FHOD1: variants seen among roughly 807,000 people sequenced by gnomAD.
The protein encoded by FHOD1 is formin homology 2 domain containing 1, also known as FH1/FH2 domain-containing protein 1.
FHOD1 carries 89 observed loss-of-function variants against 111.6 expected under a neutral mutation model. That is an observed-to-expected ratio of 0.80 (90% CI 0.67 to 0.95). The LOEUF is 0.95. FHOD1 is among the 40% of genes least tolerant of loss of function. The pLI is 0.00. For synonymous variants in FHOD1, 618 were observed against 639.0 expected (o/e 0.97, Z 0.50); for missense variants, 1,446 against 1,554.2 (o/e 0.93, Z 1.17).
Position 67,238,180 on chromosome 16 carries a change from A to T in FHOD1, c.547+22T>A. 1 of 1,614,064 alleles carries T rather than the reference A, an allele frequency of 6.2e-7. No homozygotes were observed. The highest frequency in any genetic ancestry group is 1.6e-4 in the Middle Eastern group (1 of 6,062). On this transcript the variant is annotated intron_variant, in intron 5 of 21. Transcript: ENST00000258201. The surrounding 1 kb of genome is among the most constrained non-coding windows in gnomAD (Gnocchi z 4.2). Reference sequence around the variant, plus strand: ...AGCGAGGGTCGCTGGAGCAGAGGTCATGGGAGAGGGGCGGGGCTGACCTCT... The same window carrying T: ...AGCGAGGGTCGCTGGAGCAGAGGTCTTGGGAGAGGGGCGGGGCTGACCTCT...
Position 67,237,999 on chromosome 16 carries a change from G to A in FHOD1, c.642+35C>T. On this transcript the variant is annotated intron_variant, in intron 6 of 21. Transcript: ENST00000258201. The surrounding 1 kb of genome is among the most constrained non-coding windows in gnomAD (Gnocchi z 5.6). ...ACTGAGGCCCAGAGAGAAGCAACAG[G>A]CAAAGGGTATAAGGCTGAGTGGAGA... 6.2e-7 allele frequency: 1 copy of A among 1,600,220 alleles called. No individual in the cohort carries two copies. The highest frequency in any genetic ancestry group is 1.1e-5 in the South Asian group (1 of 90,658).
At chr16:67,245,866 C>A (rs1261958309) in intron 1 of FHOD1, among the ~76,000 whole-genome samples, 1 of 152,146 alleles carries the variant, frequency 6.6e-6, no homozygotes. Flanking sequence ...ACTTTAGGAG[C>A]CTGGAAGCGG....
chr16:67,230,132 G>A lies in FHOD1; in HGVS notation c.3148C>T (p.His1050Tyr). The change falls in exon 20 of 22, where the codon CAT (histidine) becomes TAT (tyrosine). Residue 1050 changes from histidine (H) to tyrosine (Y), a missense_variant. His to Tyr is a moderately conservative substitution (Grantham distance 83). Transcript: ENST00000258201. ...GTCAGCAGACTCTTCATACTAGCAT[G>A]ACTGTCAGCATCTCCCCGGCCTGGC... ...SGPGRGDADS[H>Y]ASMKSLLTSR... is the part of the protein sequence containing the mutation. 1 of 1,614,198 alleles carries A rather than the reference G, an allele frequency of 6.2e-7. No homozygotes were observed. Among genetic ancestry groups the A allele is most frequent in the South Asian group, 1.1e-5 (1 of 91,080 alleles).
rs758576224 is a variant in FHOD1 at position 67,247,188 on chromosome 16, AC to A, written c.201+21del. 74 of 1,520,642 alleles carry A rather than the reference AC, an allele frequency of 4.9e-5. No homozygotes were observed. The African/African-American group carries it at 8.5e-4, about 17-fold the overall frequency. 94.2% of individuals were successfully genotyped at this position (1,520,642 alleles called of 1,614,324 possible). Reference sequence around the variant, plus strand: ...CCACCCTGAACCCCCGATCGCCCCAACCTTTCTCCGGCCTCCCTCACCTTGA... The same window carrying A: ...CCACCCTGAACCCCCGATCGCCCCAACTTTCTCCGGCCTCCCTCACCTTGA... On this transcript the variant is annotated intron_variant, in intron 1 of 21. Coordinates refer to ENST00000258201, the MANE Select transcript of FHOD1 (RefSeq NM_013241.3).
intron 17 of FHOD1, 88 bp from the exon 18 acceptor site, chr16:67,230,879 G>T: frequency 7.2e-7 from 1 of 1,382,944 alleles, no homozygotes; most frequent in Non-Finnish European, 9.8e-7. Context: ...AGAGTGGCCA[G>T]CTTGGGCCCT....
At position 67,229,864 on chromosome 16, in the gene FHOD1, G is replaced by C. The variant is rs754002414; in HGVS notation, c.3341C>G (p.Ser1114Ter). Residue 1114 changes from serine to a stop codon, truncating the protein, a stop_gained, in exon 21 of 22, where the codon TCA becomes TGA. Coordinates refer to ENST00000258201, the MANE Select transcript of FHOD1 (RefSeq NM_013241.3). LOFTEE classifies it high-confidence loss of function. ...SDEIMDLLVQ[S>*]VTKSSPRALA... ...GGCACGAGGACTGCTCTTGGTCACT[G>C]ACTGCACCAGAAGGTCCATGATCTC... 4 of 1,614,236 alleles carry C rather than the reference G, an allele frequency of 2.5e-6. No homozygotes were observed. The Admixed American group carries it at 6.7e-5, about 27-fold the overall frequency.
Position 67,230,000 on chromosome 16 carries a change from G to A in FHOD1, c.3215-10C>T. 1 of 1,613,416 alleles carries A rather than the reference G, an allele frequency of 6.2e-7. No homozygotes were observed. The highest frequency in any genetic ancestry group is 1.3e-5 in the African/African-American group (1 of 75,050). The stretch of plus-strand genomic sequence containing the variant: ...CTGCTCTGGACCATGCCTGAGGAAG[G>A]CCAGATAGCAAAGTCAGGCCAAGGT... On this transcript the variant is annotated splice_polypyrimidine_tract_variant and intron_variant, in intron 20 of 21. Coordinates refer to ENST00000258201, the MANE Select transcript of FHOD1 (RefSeq NM_013241.3).
chr16:67,234,142 G>C lies in FHOD1; in HGVS notation c.1561C>G (p.Pro521Ala). 1.3e-6 allele frequency: 2 copies of C among 1,566,744 alleles called. No individual in the cohort carries two copies. The highest frequency in any genetic ancestry group is 1.7e-6 in the Non-Finnish European group (2 of 1,153,946). The change falls in exon 13 of 22, where the codon CCA (proline) becomes GCA (alanine). Residue 521 changes from proline (P) to alanine (A), a missense_variant. Pro to Ala is a conservative substitution (Grantham distance 27). Transcript: ENST00000258201. ...ATGGGCTCAGCCTTGGGGCTTGCTG[G>C]TATCAGTGGCTCCTTGGGCTCTGGT... ...LAPEPKEPLI[P>A]ASPKAEPIWE...
At chr16:67,233,058 A>AT (rs568630203) in intron 13 of FHOD1, among the ~76,000 whole-genome samples, 39 of 145,720 alleles carry the variant, frequency 2.7e-4, no homozygotes, top group Non-Finnish European at 3.6e-4. Context: ...TGCCCGGCTA[A>AT]TTTTTTTTTT....
At position 67,231,779 on chromosome 16, in the gene FHOD1, T is replaced by C. The variant is rs2034286176; in HGVS notation, c.2243A>G (p.Lys748Arg). 6.2e-7 allele frequency: 1 copy of C among 1,613,880 alleles called. No homozygotes were observed. Among genetic ancestry groups the C allele is most frequent in the Non-Finnish European group, 8.5e-7 (1 of 1,179,956 alleles). ...GTTGGCCAGCTGGGCTTCCTCAATCTTCTGCCGCTCTTCCTCCGTGGGCAT... is the reference window on the plus strand; with the variant it reads ...GTTGGCCAGCTGGGCTTCCTCAATCCTCTGCCGCTCTTCCTCCGTGGGCAT... ...TMMPTEEERQ[K>R]IEEAQLANPD... The change falls in exon 15 of 22, where the codon AAG becomes AGG. Residue 748 changes from lysine (K) to arginine (R), a missense_variant. Lys to Arg is a conservative substitution (Grantham distance 26). Around this residue, in one of 3 missense-constraint regions of FHOD1, gnomAD observed 1,085 missense variants for 1,108.8 expected, o/e 0.98. Transcript: ENST00000258201. The surrounding 1 kb of genome is among the most constrained non-coding windows in gnomAD (Gnocchi z 4.3).
In FHOD1 at chr16:67,230,376, G is replaced by C; in HGVS notation, c.2989C>G (p.Gln997Glu). The C allele has an allele frequency of 6.2e-7, 1 of 1,614,256 alleles. No homozygotes were observed. The highest frequency in any genetic ancestry group is 2.2e-5 in the East Asian group (1 of 44,890). ...CGGTATGTGGCCTGCTTCTGCTGCT[G>C]CTGTAGCACTCGTTCCCGGCAAGTC... ...YRTCRERVLQ[Q>E]QQKQATYRER... The change falls in exon 19 of 22, where the codon CAG (glutamine) becomes GAG (glutamate). Residue 997 changes from glutamine (Q) to glutamate (E), a missense_variant. Gln to Glu is a conservative substitution (Grantham distance 29, BLOSUM62 2). Around this residue, in one of 3 missense-constraint regions of FHOD1, gnomAD observed 1,085 missense variants for 1,108.8 expected, o/e 0.98. Coordinates refer to ENST00000258201, the MANE Select transcript of FHOD1 (RefSeq NM_013241.3).
chr16:67,232,110 G>T lies in FHOD1; in HGVS notation c.2131C>A (p.Pro711Thr). 6.2e-7 allele frequency: 1 copy of T among 1,614,222 alleles called. No individual in the cohort carries two copies. Among genetic ancestry groups the T allele is most frequent in the Non-Finnish European group, 8.5e-7 (1 of 1,180,036 alleles). The change falls in exon 14 of 22, where the codon CCA (proline) becomes ACA (threonine). Residue 711 changes from proline to threonine, a missense_variant. By Grantham distance (38) the Pro-to-Thr change is conservative (BLOSUM62 -1). Transcript: ENST00000258201. ...NAINIGLTTLPPVHVIKAALL... is the reference protein window; with the variant it reads ...NAINIGLTTLTPVHVIKAALL... ...GCAGCCTTAATGACATGCACAGGTG[G>T]CAGTGTGGTTAGGCCGATGTTGATG...
intron 18 of FHOD1, 34 bp from the exon 19 acceptor site, chr16:67,230,540 C>G: frequency 6.2e-7 from 1 of 1,613,400 alleles, no homozygotes; most frequent in Non-Finnish European, 8.5e-7. Flanking sequence ...GACAGTAAGT[C>G]CTGCTTATTG....
chr16:67,244,894 C>G (rs1459049526), intron 1 of FHOD1, among the ~76,000 whole-genome samples: 2 of 152,164 alleles, frequency 1.3e-5, no homozygotes, highest in Non-Finnish European at 2.9e-5. Context: ...GCAAGACAGG[C>G]CTGAGTCATG....
Position 67,234,377 on chromosome 16 carries a change from T to C in FHOD1, c.1415A>G (p.Asn472Ser), listed in dbSNP as rs142023201. 1.9e-5 allele frequency: 31 copies of C among 1,610,870 alleles called. No homozygotes were observed. Among genetic ancestry groups the C allele is most frequent in the Admixed American group, 5.0e-5 (3 of 59,918 alleles). ...CTCACCTGGGTGTCCACCCGCCTCA[T>C]TGGGCATGGCCCCGGCAAGTGTCTC... ...RAETLAGAMP[N>S]EAGGHPDARQ... Residue 472 changes from asparagine to serine, a missense_variant, in exon 12 of 22, where the codon AAT becomes AGT. Asn to Ser is a conservative substitution (Grantham distance 46, BLOSUM62 1). Around this residue, in one of 3 missense-constraint regions of FHOD1, gnomAD observed 1,085 missense variants for 1,108.8 expected, o/e 0.98. Coordinates refer to ENST00000258201, the MANE Select transcript of FHOD1 (RefSeq NM_013241.3).
At chr16:67,236,062 CAG>C in intron 11 of FHOD1, 1 of 980,168 alleles carries the variant, frequency 1.0e-6, no homozygotes, top group Non-Finnish European at 1.2e-6. Flanking sequence ...GGTGGGCTCT[CAG>C]GGGCCCTGGG....
rs553036363 is a variant in FHOD1, at chr16:67,231,114, G to C, written c.2667+74C>G. 1.9e-4 allele frequency: 300 copies of C among 1,566,770 alleles called. 2 individuals are homozygous for C. Among genetic ancestry groups the C allele is most frequent in the South Asian group, 1.8e-3 (148 of 84,430 alleles). On this transcript the variant is annotated intron_variant, in intron 17 of 21. Coordinates refer to ENST00000258201, the MANE Select transcript of FHOD1 (RefSeq NM_013241.3). This position sits in a 1 kb window ranked among gnomAD's most constrained non-coding sequence, Gnocchi z 4.3. ...GCACAGCAGCCCAAATGGGGAGAAG[G>C]GGGAGGAGCCAGGCCCAGGAAGCAG...
chr16:67,232,025 C>G lies in FHOD1; in HGVS notation c.2202+14G>C. ...CCAGACCTCCCCCCAACACCCATAG[C>G]TGGGTGACCTCACCTCAATGCCATC... On this transcript the variant is annotated intron_variant, in intron 14 of 21. Transcript: ENST00000258201. The G allele has an allele frequency of 6.2e-7, 1 of 1,613,900 alleles. No homozygotes were observed. Among genetic ancestry groups the G allele is most frequent in the African/African-American group, 1.3e-5 (1 of 75,062 alleles).
chr16:67,231,718 C>A lies in FHOD1; in HGVS notation c.2304G>T (p.Leu768=). ...GGCCGCCAATGGAGGCAAGAGTCAT[C>A]AGGAAGTTCTCGGCTGGGCCCAGGG... The part of the protein sequence containing the change: ...DIPLGPAENF[L]MTLASIGGLA... The change falls in exon 15 of 22, where the codon CTG becomes CTT. Residue 768 remains leucine (L), a synonymous_variant. Coordinates refer to ENST00000258201, the MANE Select transcript of FHOD1 (RefSeq NM_013241.3). This position sits in a 1 kb window ranked among gnomAD's most constrained non-coding sequence, Gnocchi z 4.3. 2 of 1,614,186 alleles carry A rather than the reference C, an allele frequency of 1.2e-6. No individual in the cohort carries two copies. The highest frequency in any genetic ancestry group is 1.7e-6 in the Non-Finnish European group (2 of 1,180,026).
Sources: gnomAD v4.1 joint callset for allele counts (sites outside exome capture counted in the v4.1 genomes callset) on GRCh38, gnomAD v4.1.1 for gene constraint, gnomAD v4.1.1 regional missense constraint, Gnocchi (gnomAD v3.1) non-coding constraint, MANE v1.5 for transcripts, NCBI Gene and HGNC (gene_info 2026-07-23, HGNC 2026-07-21) for gene names.